Variants in FBXO15 observed in about 807,000 individuals in gnomAD.
FBXO15 encodes F-box only protein 15.
FBXO15 carries 30 observed loss-of-function variants against 49.5 expected under a neutral mutation model. The observed-to-expected ratio is 0.61, with a 90% CI of 0.45 to 0.82. FBXO15 has a LOEUF of 0.82. Ranked by LOEUF, FBXO15 falls within the 40% of genes least tolerant of loss-of-function variation. The pLI, the probability that FBXO15 is intolerant of heterozygous loss-of-function variation, is 0.00. For missense variants in FBXO15, 591 were observed against 631.5 expected, an observed-to-expected ratio of 0.94 and a Z score of 0.69; for synonymous variants, 250 against 232.7, an observed-to-expected ratio of 1.07 and a Z score of -0.68.
At chr18:74,091,303 G>T (rs1555676235) in intron 8 of FBXO15, among the ~76,000 whole-genome samples, 1 of 152,084 alleles carries the variant, frequency 6.6e-6, no homozygotes, top group Non-Finnish European at 1.5e-5. Flanking sequence ...TGTGAGATGG[G>T]TGTCCCGAAG....
chr18:74,081,843 A>G, intron 9 of FBXO15, 84 bp downstream of exon 9: 1 of 951,816 alleles, frequency 1.1e-6, no homozygotes. Flanking sequence ...TACATATATG[A>G]CAATATAATT....
intron 6 of FBXO15, among the ~76,000 whole-genome samples, 197 bp from the exon 7 acceptor site, chr18:74,124,768 G>A (rs1818627938): frequency 6.6e-6 from 1 of 152,132 alleles, no homozygotes; most frequent in African/African-American, 2.4e-5. Flanking sequence ...CATATTGACA[G>A]CAGGACCACA....
Position 74,096,701 on chromosome 18 carries a change from C to T in FBXO15, c.1139-14650G>A, listed in dbSNP as rs563919922. ...AACAAAAAACAGTAACTGACCCTAA[C>T]AAGATGGCGATATGTGAGCTTTCTG... On this transcript the variant is annotated intron_variant, in intron 8 of 9. Coordinates refer to ENST00000419743, the MANE Select transcript of FBXO15 (RefSeq NM_001142958.2). Among the ~76,000 whole-genome samples the T allele has an allele frequency of 3.3e-5, 5 of 150,834 alleles. No individual in the cohort carries two copies. In the South Asian group the frequency reaches 1.0e-3, roughly 32 times the overall value.
chr18:74,073,475 C>T lies in FBXO15; in HGVS notation c.1519G>A (p.Gly507Arg), dbSNP rs1337909177. ...GCCACCTACTGCTAATATTCAGTCCCAAACCAATGGTTGATTTTTGCGATA... is the reference window on the plus strand; with the variant it reads ...GCCACCTACTGCTAATATTCAGTCCTAAACCAATGGTTGATTTTTGCGATA... ...LSIAKINHWFGTEY is the reference protein window; with the variant it reads ...LSIAKINHWFRTEY Residue 507 changes from glycine (G) to arginine (R), a missense_variant, in exon 10 of 10, where the codon GGG becomes AGG. Coordinates refer to ENST00000419743, the MANE Select transcript of FBXO15 (RefSeq NM_001142958.2). The T allele has an allele frequency of 1.2e-6, 2 of 1,613,970 alleles. No individual in the cohort carries two copies. Among genetic ancestry groups the T allele is most frequent in the Non-Finnish European group, 1.7e-6 (2 of 1,179,952 alleles).
intron 8 of FBXO15, among the ~76,000 whole-genome samples, chr18:74,102,940 G>A (rs922605626): frequency 6.6e-6 from 1 of 151,982 alleles, no homozygotes; most frequent in Non-Finnish European, 1.5e-5. Context: ...AATGGACTTT[G>A]GGGACTCAAG....
chr18:74,132,269 G>T (rs945548364), intron 3 of FBXO15, among the ~76,000 whole-genome samples: 1 of 152,212 alleles, frequency 6.6e-6, no homozygotes, highest in Non-Finnish European at 1.5e-5. Context: ...AAGCTTGCTT[G>T]TGTTTTCTTC....
intron 1 of FBXO15, chr18:74,140,663 G>A (rs1239142601): frequency 4.4e-6 from 1 of 226,536 alleles, no homozygotes; most frequent in African/African-American, 2.3e-5. Flanking sequence ...GCAGGGAGAA[G>A]GGAGGAAGAG....
At chr18:74,080,310 C>T (rs942086683) in intron 9 of FBXO15, among the ~76,000 whole-genome samples, 4 of 152,170 alleles carry the variant, frequency 2.6e-5, no homozygotes, top group Admixed American at 2.6e-4. Flanking sequence ...AGTCTTAATA[C>T]TGAATCCAAG....
rs1912216045 is a variant in FBXO15, at chr18:74,075,323, ATG to A, written c.1264-1595_1264-1594del. Reference sequence around the variant, plus strand: ...CTCCTCTGCGCCCACCTCTCCTCACATGTGTTTCTCATCTGCTCCTCCCGGGT... The same window carrying A: ...CTCCTCTGCGCCCACCTCTCCTCACATGTTTCTCATCTGCTCCTCCCGGGT... On this transcript the variant is annotated intron_variant, in intron 9 of 9. Transcript: ENST00000419743. The surrounding 1 kb of genome is among the most constrained non-coding windows in gnomAD (Gnocchi z 4.1). Among the ~76,000 whole-genome samples the A allele has an allele frequency of 1.3e-5, 2 of 151,966 alleles. No homozygotes were observed. The highest frequency in any genetic ancestry group is 2.4e-5 in the African/African-American group (1 of 41,386).
At chr18:74,116,899 G>A (rs1016704405) in intron 8 of FBXO15, among the ~76,000 whole-genome samples, 1 of 152,170 alleles carries the variant, frequency 6.6e-6, no homozygotes, top group Non-Finnish European at 1.5e-5. Context: ...TTAGCGTCGA[G>A]CCAGGCTTCA....
chr18:74,093,263 TG>T (rs1555676377), intron 8 of FBXO15, among the ~76,000 whole-genome samples: 23 of 123,594 alleles, frequency 1.9e-4, no homozygotes, highest in Non-Finnish European at 3.0e-4. Flanking sequence ...GGCAAAACAA[TG>T]GGGGGGGGGT....
intron 8 of FBXO15, among the ~76,000 whole-genome samples, chr18:74,116,301 C>T (rs1157413790): frequency 6.6e-6 from 1 of 152,174 alleles, no homozygotes; most frequent in Non-Finnish European, 1.5e-5. Context: ...TATACTTTCT[C>T]ATTAAAAATT....
At chr18:74,096,036 T>G (rs866827446) in intron 8 of FBXO15, among the ~76,000 whole-genome samples, 5 of 151,986 alleles carry the variant, frequency 3.3e-5, no homozygotes, top group Admixed American at 1.3e-4. Context: ...ACCAAGGGCG[T>G]CGAAAATTTT....
intron 8 of FBXO15, among the ~76,000 whole-genome samples, chr18:74,096,155 G>T (rs186290678): frequency 3.0e-4 from 45 of 152,262 alleles, no homozygotes; most frequent in Non-Finnish European, 5.4e-4. Context: ...TTTAAGCCAT[G>T]GGAAGTACTG....
At chr18:74,078,716 C>T (rs909004969) in intron 9 of FBXO15, 7 of 152,364 alleles carry the variant, frequency 4.6e-5, no homozygotes, top group African/African-American at 1.2e-4. Context: ...TCACCCTGAA[C>T]GTCCAGGAGG....
At chr18:74,083,711 T>C (rs1010631255) in intron 8 of FBXO15, among the ~76,000 whole-genome samples, 1 of 152,248 alleles carries the variant, frequency 6.6e-6, no homozygotes, top group Non-Finnish European at 1.5e-5. Flanking sequence ...ATTATAACAC[T>C]GTGGTGTCTC....
At chr18:74,094,053 G>A (rs1434894014) in intron 8 of FBXO15, among the ~76,000 whole-genome samples, 1 of 152,208 alleles carries the variant, frequency 6.6e-6, no homozygotes, top group Non-Finnish European at 1.5e-5. Context: ...GCGTTAGCAG[G>A]CATGAAAACA....
intron 8 of FBXO15, among the ~76,000 whole-genome samples, chr18:74,083,515 C>T (rs531641175): frequency 1.3e-5 from 2 of 152,346 alleles, no homozygotes; most frequent in African/African-American, 4.8e-5. Context: ...CAGCCGACGG[C>T]GCCTACAGAA....
At chr18:74,136,440 A>G (rs1318372504) in intron 2 of FBXO15, among the ~76,000 whole-genome samples, 1 of 152,238 alleles carries the variant, frequency 6.6e-6, no homozygotes, top group East Asian at 1.9e-4. Flanking sequence ...AGAGAATCAG[A>G]GAACATATTC....
Sources: gnomAD v4.1 joint callset for allele counts (sites outside exome capture counted in the v4.1 genomes callset) on GRCh38, gnomAD v4.1.1 for gene constraint, Gnocchi (gnomAD v3.1) non-coding constraint, MANE v1.5 for transcripts, NCBI Gene and HGNC (gene_info 2026-07-23, HGNC 2026-07-21) for gene names.